POMP: variants seen among roughly 807,000 people sequenced by gnomAD.
POMP encodes the protein 2510048O06Rik.
POMP carries 12 observed loss-of-function variants against 20.6 expected under a neutral mutation model. The ratio of observed to expected loss-of-function variants is 0.58; its 90% CI spans 0.37 to 0.94. The LOEUF is 0.94. Ranked by LOEUF, POMP falls within the 40% of genes least tolerant of loss-of-function variation. The pLI is 0.01. For synonymous variants in POMP, 53 were observed against 55.0 expected (o/e 0.96, Z 0.16); for missense variants, 136 against 161.1 (o/e 0.84, Z 0.84).
At chr13:28,672,288 A>G (rs547750481) in intron 4 of POMP, 51 bp from the exon 5 acceptor site, 5 of 1,365,762 alleles carry the variant, frequency 3.7e-6, no homozygotes, top group Middle Eastern at 1.8e-4. Flanking sequence ...ATATTCTGTC[A>G]TTTTCCCCTG....
chr13:28,667,629 A>G (rs973261308), intron 3 of POMP, among the ~76,000 whole-genome samples: 2 of 152,220 alleles, frequency 1.3e-5, no homozygotes, highest in African/African-American at 4.8e-5. Flanking sequence ...TTTTTGTTCA[A>G]AATGACCTTT....
At chr13:28,664,269 C>T (rs899045351) in intron 2 of POMP, among the ~76,000 whole-genome samples, 10 of 152,114 alleles carry the variant, frequency 6.6e-5, no homozygotes, top group Non-Finnish European at 1.5e-5. Context: ...CCACCAATGT[C>T]TATAATGGAT....
intron 4 of POMP, among the ~76,000 whole-genome samples, chr13:28,671,749 G>T (rs1884550543): frequency 1.3e-5 from 2 of 151,732 alleles, no homozygotes; most frequent in Admixed American, 6.6e-5. Context: ...GATACATTTT[G>T]TTGGGGGTGG....
chr13:28,664,694 T>G (rs1884410414), intron 3 of POMP, 125 bp downstream of exon 3: 5 of 633,440 alleles, frequency 7.9e-6, no homozygotes, highest in Non-Finnish European at 1.4e-5. Flanking sequence ...TGAGGCGTTA[T>G]TTTCAAACCC....
At chr13:28,671,678 C>T (rs1884548970) in intron 4 of POMP, among the ~76,000 whole-genome samples, 1 of 150,898 alleles carries the variant, frequency 6.6e-6, no homozygotes, top group South Asian at 2.1e-4. Context: ...TTTTTCCACA[C>T]TATAAAGATT....
Position 28,676,532 on chromosome 13 carries a change from C to T in POMP, c.359-1503C>T, listed in dbSNP as rs76693926. Among the ~76,000 whole-genome samples, 95 of 152,232 alleles carry T rather than the reference C, an allele frequency of 6.2e-4. 1 individual carries two copies. The East Asian group carries it at 0.014, about 22-fold the overall frequency. On this transcript the variant is annotated intron_variant, in intron 5 of 5. Transcript: ENST00000380842. Reference sequence around the variant, plus strand: ...TGTGTTCCCAGTACCTGATAGGGGGCTTGATCCATAGTTAAGGGTCATGTT... The same window carrying T: ...TGTGTTCCCAGTACCTGATAGGGGGTTTGATCCATAGTTAAGGGTCATGTT...
At chr13:28,667,475 A>T (rs893975496) in intron 3 of POMP, among the ~76,000 whole-genome samples, 1 of 152,232 alleles carries the variant, frequency 6.6e-6, no homozygotes, top group African/African-American at 2.4e-5. Flanking sequence ...TCATATACCC[A>T]TAATAAAATA....
At chr13:28,667,678 C>T (rs542026657) in intron 3 of POMP, among the ~76,000 whole-genome samples, 1 of 152,234 alleles carries the variant, frequency 6.6e-6, no homozygotes, top group East Asian at 1.9e-4. Context: ...AAGAGAGTAG[C>T]GTGTAATAAA....
At chr13:28,668,185 T>TTA (rs34781247) in intron 3 of POMP, among the ~76,000 whole-genome samples, 6,764 of 152,284 alleles carry the variant, frequency 0.044, 503 homozygotes, top group African/African-American at 0.15. Flanking sequence ...TAAAATATGA[T>TTA]TGTCTTGTAA....
chr13:28,664,926 A>G (rs1359600837), intron 3 of POMP, among the ~76,000 whole-genome samples: 2 of 152,168 alleles, frequency 1.3e-5, no homozygotes, highest in East Asian at 3.8e-4. Context: ...TAAGTCCTGC[A>G]TCTCCGAGTT....
chr13:28,667,642 G>C (rs1884472174), intron 3 of POMP, among the ~76,000 whole-genome samples: 1 of 152,112 alleles, frequency 6.6e-6, no homozygotes, highest in Non-Finnish European at 1.5e-5. Context: ...TGACCTTTTT[G>C]ATTACTATTA....
At chr13:28,666,934 T>C (rs2137793925) in intron 3 of POMP, among the ~76,000 whole-genome samples, 1 of 152,216 alleles carries the variant, frequency 6.6e-6, no homozygotes, top group East Asian at 1.9e-4. Flanking sequence ...TTGGCATCTA[T>C]GGGGTAGAGG....
At position 28,659,171 on chromosome 13, in the gene POMP, C is replaced by T; in HGVS notation, c.-14C>T. ...GGTAACGGGGCAGAGAGGCTGTTCG[C>T]AGAGCTGCGGAAGATGGTGAGTGGG... is the stretch of plus-strand genomic sequence containing the variant. On this transcript the variant is annotated 5_prime_UTR_variant, in exon 1 of 6. Coordinates refer to ENST00000380842, the MANE Select transcript of POMP (RefSeq NM_015932.6). The T allele has an allele frequency of 1.3e-6, 2 of 1,586,408 alleles. No individual in the cohort carries two copies. The highest frequency in any genetic ancestry group is 1.7e-6 in the Non-Finnish European group (2 of 1,167,384).
rs7996295 is a variant in POMP, at chr13:28,668,221, T to G, written c.163-252T>G. Among the ~76,000 whole-genome samples the G allele has an allele frequency of 5.8e-3, 886 of 152,278 alleles. 7 individuals are homozygous for G. Among genetic ancestry groups the G allele is most frequent in the African/African-American group, 0.02 (840 of 41,542 alleles). ...ATCTACTTTTGAATAGGAGACACAT[T>G]CCTTTACTTTTATAAATTTGGAATT... is the stretch of plus-strand genomic sequence containing the variant. On this transcript the variant is annotated intron_variant, in intron 3 of 5. Coordinates refer to ENST00000380842, the MANE Select transcript of POMP (RefSeq NM_015932.6).
intron 4 of POMP, among the ~76,000 whole-genome samples, chr13:28,670,262 C>T (rs990827414): frequency 1.3e-5 from 2 of 152,158 alleles, no homozygotes; most frequent in African/African-American, 4.8e-5. Context: ...CCATAATCCC[C>T]CACATACTCC....
At position 28,678,102 on chromosome 13, in the gene POMP, A is replaced by G. The variant is rs777824677; in HGVS notation, c.426A>G (p.Ter142=). The change falls in exon 6 of 6, where the codon TAA becomes TAG. Residue 142 remains the stop codon, a stop_retained_variant. Coordinates refer to ENST00000380842, the MANE Select transcript of POMP (RefSeq NM_015932.6). ...LMVEYKLGLL[*] ...TGGAATATAAACTTGGTTTACTGTA[A>G]TAGTGTGCTGTTCATGGAAACCGAG... is the stretch of plus-strand genomic sequence containing the variant. The G allele has an allele frequency of 7.4e-6, 12 of 1,613,348 alleles. No homozygotes were observed. The highest frequency in any genetic ancestry group is 2.2e-5 in the South Asian group (2 of 91,072).
At position 28,676,874 on chromosome 13, in the gene POMP, C is replaced by T. The variant is rs541309565; in HGVS notation, c.359-1161C>T. 3.3e-5 allele frequency among the ~76,000 whole-genome samples: 5 copies of T among 152,290 alleles called. No individual in the cohort carries two copies. In the South Asian group the frequency reaches 1.0e-3, roughly 32 times the overall value. On this transcript the variant is annotated intron_variant, in intron 5 of 5. Transcript: ENST00000380842. ...GGCTCAGTCCTCACTCAGAGTCTCACGGCGAGCTTGTGGTACAACAGATGC... is the reference window on the plus strand; with the variant it reads ...GGCTCAGTCCTCACTCAGAGTCTCATGGCGAGCTTGTGGTACAACAGATGC...
chr13:28,664,475 TC>T, intron 2 of POMP, 33 bp from the exon 3 acceptor site: 2 of 1,403,540 alleles, frequency 1.4e-6, no homozygotes, highest in Non-Finnish European at 2.0e-6. Context: ...ATATTTAATC[TC>T]CTCTAAATGT....
intron 5 of POMP, among the ~76,000 whole-genome samples, chr13:28,675,592 A>G (rs965596540): frequency 6.6e-6 from 1 of 152,216 alleles, no homozygotes; most frequent in Non-Finnish European, 1.5e-5. Context: ...TCTGCCTCAA[A>G]TAGTTTACCC....
Sources: allele counts gnomAD v4.1 joint callset (sites outside exome capture counted in the v4.1 genomes callset), GRCh38; gene constraint gnomAD v4.1.1; transcripts MANE v1.5; gene names NCBI Gene and HGNC (gene_info 2026-07-23, HGNC 2026-07-21).